Variants in TENM2 observed in about 807,000 individuals in gnomAD.
TENM2 encodes the protein teneurin transmembrane protein 2.
TENM2 carries 52 observed loss-of-function variants against 245.2 expected under a neutral mutation model. That is an observed-to-expected ratio of 0.21 (90% CI 0.17 to 0.27). The LOEUF (loss-of-function observed/expected upper bound fraction) is 0.27. Ranked by LOEUF, TENM2 falls within the 10% of genes least tolerant of loss-of-function variation. The pLI is 1.00. For missense variants in TENM2, 3,046 were observed against 3,666.8 expected (o/e 0.83, Z 4.37); for synonymous variants, 1,363 against 1,438.9 (o/e 0.95, Z 1.19).
At chr5:167,439,784 A>T (rs1447750701) in intron 2 of TENM2, among the ~76,000 whole-genome samples, 2 of 152,216 alleles carry the variant, frequency 1.3e-5, no homozygotes, top group Non-Finnish European at 2.9e-5. Context: ...GAAGAATTCT[A>T]TGGCATTTTA....
At chr5:167,301,567 G>A (rs1278780314) in intron 1 of TENM2, among the ~76,000 whole-genome samples, 1 of 152,140 alleles carries the variant, frequency 6.6e-6, no homozygotes, top group Non-Finnish European at 1.5e-5. Context: ...TTGGAGGGCT[G>A]GAATTTAATT....
Position 168,244,385 on chromosome 5 carries a change from A to G in TENM2, c.5521-35A>G. On this transcript the variant is annotated intron_variant, in intron 25 of 28. Coordinates refer to ENST00000518659, the Ensembl canonical transcript of TENM2. The surrounding 1 kb of genome is among the most constrained non-coding windows in gnomAD (Gnocchi z 4.9). ...AAGCCTGAGCCGGCATGCCTGGGTG[A>G]TGTCTTTCAAACAAGGCCTGTTGTG... 6.8e-7 allele frequency: 1 copy of G among 1,464,112 alleles called. No individual in the cohort carries two copies. The highest frequency in any genetic ancestry group is 9.1e-7 in the Non-Finnish European group (1 of 1,094,828). 90.7% of individuals were successfully genotyped at this position (1,464,112 alleles called of 1,614,324 possible).
At position 167,827,628 on chromosome 5, in the gene TENM2, C is replaced by CGGA. The variant is rs1554126454; in HGVS notation, c.503-48356_503-48355insAGG. Reference sequence around the variant, plus strand: ...TTATTATGGCAAGGAGCTAGGTGGGCGGGGGGGGGGGAACAGTTTAATGAG... The same window carrying CGGA: ...TTATTATGGCAAGGAGCTAGGTGGGCGGAGGGGGGGGGGGAACAGTTTAATGAG... On this transcript the variant is annotated intron_variant, in intron 2 of 28. Transcript: ENST00000518659. Among the ~76,000 whole-genome samples the CGGA allele has an allele frequency of 1.5e-4, 5 of 34,226 alleles. 1 individual carries two copies. The highest frequency in any genetic ancestry group is 2.3e-4 in the Non-Finnish European group (4 of 17,642). 22.5% of individuals were successfully genotyped at this position (34,226 alleles called of 152,430 possible). A position where few individuals can be genotyped will look rare whatever the true frequency, so the allele number is the denominator to read the frequency against.
the TENM2 span, among the ~76,000 whole-genome samples, chr5:167,049,219 T>C: frequency 6.6e-6 from 1 of 152,370 alleles, no homozygotes; most frequent in South Asian, 2.1e-4. Context: ...ATGTGCTTTC[T>C]GTGCTACACA....
intron 12 of TENM2, among the ~76,000 whole-genome samples, chr5:168,148,912 TAGATAGATTGATA>T (rs1562217598): frequency 6.7e-4 from 94 of 140,064 alleles, no homozygotes; most frequent in South Asian, 2.3e-3. Flanking sequence ...GATAGATAGA[TAGATAGATTGATA>T]GATAGCACAA....
chr5:167,523,266 G>A (rs1770884781), intron 2 of TENM2, among the ~76,000 whole-genome samples: 1 of 152,126 alleles, frequency 6.6e-6, no homozygotes. Context: ...ATAGACATCT[G>A]TTTCTGGAGG....
intron 2 of TENM2, among the ~76,000 whole-genome samples, chr5:167,546,899 C>G (rs1458759804): frequency 6.6e-6 from 1 of 152,116 alleles, no homozygotes; most frequent in Admixed American, 6.6e-5. Flanking sequence ...AATCATTATG[C>G]TGGCCTCCTC....
intron 2 of TENM2, among the ~76,000 whole-genome samples, chr5:167,615,952 A>C (rs1777764604): frequency 1.3e-5 from 2 of 152,188 alleles, no homozygotes; most frequent in African/African-American, 2.4e-5. Flanking sequence ...CCAGATTTAA[A>C]TGCTCATTCA....
At chr5:168,245,667 G>A (rs778936225) in intron 26 of TENM2, among the ~76,000 whole-genome samples, 8 of 151,570 alleles carry the variant, frequency 5.3e-5, no homozygotes, top group Non-Finnish European at 7.4e-5. Flanking sequence ...TGCTCAACCC[G>A]GGCCTCTCAC....
At chr5:167,973,932 A>C (rs746314627) in intron 4 of TENM2, among the ~76,000 whole-genome samples, 1 of 150,480 alleles carries the variant, frequency 6.6e-6, no homozygotes, top group African/African-American at 2.4e-5. Context: ...GGGAGGATAC[A>C]CCAGAAAGGG....
exon 2 of TENM2, chr5:167,375,408 G>C (rs767313102): frequency 1.3e-6 from 2 of 1,551,742 alleles, no homozygotes; most frequent in Non-Finnish European, 1.7e-6. Flanking sequence ...GGCCTGTCCA[G>C]TCGTGAAAAC....
chr5:167,928,827 C>A (rs1184685419), intron 3 of TENM2, among the ~76,000 whole-genome samples: 1 of 132,158 alleles, frequency 7.6e-6, no homozygotes, highest in African/African-American at 3.0e-5. Flanking sequence ...ACCCAGGAGG[C>A]AGAGGTTGCA....
chr5:167,297,572 G>A (rs954795996), intron 1 of TENM2: 1 of 152,212 alleles, frequency 6.6e-6, no homozygotes, highest in African/African-American at 2.4e-5. Flanking sequence ...AAATGATCAA[G>A]TTACATTTAT....
chr5:167,382,389 G>A (rs1307710957), intron 2 of TENM2, among the ~76,000 whole-genome samples: 7 of 152,266 alleles, frequency 4.6e-5, no homozygotes, highest in Non-Finnish European at 8.8e-5. Flanking sequence ...AAGACATGGA[G>A]CAATGTTAGC....
chr5:167,711,619 C>A (rs1758918590), intron 2 of TENM2, among the ~76,000 whole-genome samples: 1 of 152,188 alleles, frequency 6.6e-6, no homozygotes, highest in African/African-American at 2.4e-5. Flanking sequence ...AGCTTCTGGG[C>A]AGCCATTCAG....
At chr5:167,814,708 A>G (rs1156453993) in intron 2 of TENM2, among the ~76,000 whole-genome samples, 1 of 151,606 alleles carries the variant, frequency 6.6e-6, no homozygotes, top group Non-Finnish European at 1.5e-5. Context: ...AGATATCTAT[A>G]TAAATGTAGT....
intron 2 of TENM2, among the ~76,000 whole-genome samples, chr5:167,698,261 A>T (rs562892107): frequency 1.3e-5 from 2 of 152,328 alleles, no homozygotes; most frequent in Admixed American, 1.3e-4. Context: ...CTCTTTCTGT[A>T]AGATGATGGC....
chr5:167,139,494 A>G, the TENM2 span, among the ~76,000 whole-genome samples: 1 of 152,252 alleles, frequency 6.6e-6, no homozygotes, highest in African/African-American at 2.4e-5. Flanking sequence ...AAAACTCTAA[A>G]CTGCAAACAA....
chr5:168,075,396 G>T (rs1438661287), intron 7 of TENM2, among the ~76,000 whole-genome samples: 1 of 152,096 alleles, frequency 6.6e-6, no homozygotes, highest in Non-Finnish European at 1.5e-5. Flanking sequence ...GCTAAAACAT[G>T]CACCAATGCA....
Sources: gnomAD v4.1 joint callset for allele counts (sites outside exome capture counted in the v4.1 genomes callset) on GRCh38, gnomAD v4.1.1 for gene constraint, Gnocchi (gnomAD v3.1) non-coding constraint, MANE v1.5 for transcripts, NCBI Gene and HGNC (gene_info 2026-07-23, HGNC 2026-07-21) for gene names.